Variants in SH2D3C observed in about 807,000 individuals in gnomAD.
SH2D3C encodes the protein SH2 domain-containing protein 3C.
SH2D3C carries 25 observed loss-of-function variants against 75.2 expected under a neutral mutation model. That is an observed-to-expected ratio of 0.33 (90% CI 0.24 to 0.46). SH2D3C has a LOEUF of 0.46. Among genes scored for constraint, SH2D3C ranks in the 20% least tolerant of loss-of-function variants. SH2D3C has a pLI of 1.00. For missense variants in SH2D3C, 933 were observed against 1,165.3 expected, an observed-to-expected ratio of 0.80 and a Z score of 2.90; for synonymous variants, 450 against 473.7, an observed-to-expected ratio of 0.95 and a Z score of 0.65.
At chr9:127,753,284 C>T (rs538697701) in intron 3 of SH2D3C, among the ~76,000 whole-genome samples, 30 of 150,822 alleles carry the variant, frequency 2.0e-4, no homozygotes, top group African/African-American at 6.3e-4. Context: ...GTTTAGATGG[C>T]CATTGATTCA....
rs1423183258 is a variant in SH2D3C, at chr9:127,738,649, G to A, written c.*97C>T. 5.4e-6 allele frequency: 7 copies of A among 1,298,528 alleles called. No individual in the cohort carries two copies. Among genetic ancestry groups the A allele is most frequent in the South Asian group, 1.5e-5 (1 of 65,060 alleles). 80.4% of individuals were successfully genotyped at this position (1,298,528 alleles called of 1,614,324 possible). On this transcript the variant is annotated 3_prime_UTR_variant, in exon 12 of 12. Transcript: ENST00000314830. This position sits in a 1 kb window ranked among gnomAD's most constrained non-coding sequence, Gnocchi z 5.0. ...CTTGAGTTGAACCCAGAACATTCTC[G>A]GGTTGATCACAGTGTCCTTGGGGTG...
rs1255316489 is a variant in SH2D3C at position 127,767,186 on chromosome 9, TGAG to T, written c.516-5539_516-5537del. 10 of 1,533,610 alleles carry T rather than the reference TGAG, an allele frequency of 6.5e-6. No individual in the cohort carries two copies. In the South Asian group the frequency reaches 1.2e-4, roughly 18 times the overall value. ...GAGCTCAGGACGGGCGACAGCCTTG[TGAG>T]GAGAAGGCAGAGCAGGGGCCATTCT... is the stretch of plus-strand genomic sequence containing the variant. On this transcript the variant is annotated intron_variant, in intron 2 of 11. Coordinates refer to ENST00000314830, the MANE Select transcript of SH2D3C (RefSeq NM_170600.3).
At position 127,770,083 on chromosome 9, in the gene SH2D3C, T is replaced by C. The variant is rs753142803; in HGVS notation, c.515+3907A>G. On this transcript the variant is annotated intron_variant, in intron 2 of 11. Transcript: ENST00000314830. Reference sequence around the variant, plus strand: ...ATGGATTGAGGAGGGAGGGTGCCTCTCTGGGACCTGCAGAAGACTGAAGGT... The same window carrying C: ...ATGGATTGAGGAGGGAGGGTGCCTCCCTGGGACCTGCAGAAGACTGAAGGT... Among the ~76,000 whole-genome samples the C allele has an allele frequency of 3.9e-5, 6 of 152,116 alleles. 1 individual carries two copies. The highest frequency in any genetic ancestry group is 8.8e-5 in the Non-Finnish European group (6 of 67,996).
intron 1 of SH2D3C, among the ~76,000 whole-genome samples, chr9:127,775,633 G>GAATA (rs1564427211): frequency 6.8e-6 from 1 of 147,550 alleles, no homozygotes; most frequent in East Asian, 2.0e-4. Context: ...ATCTCAAAAT[G>GAATA]AATAAATAAA....
In SH2D3C at chr9:127,774,418, G is replaced by A; in HGVS notation, c.87C>T (p.Ser29=). The change falls in exon 2 of 12, where the codon TCC becomes TCT. Residue 29 remains serine, a synonymous_variant. Coordinates refer to ENST00000314830, the MANE Select transcript of SH2D3C (RefSeq NM_170600.3). The surrounding 1 kb of genome is among the most constrained non-coding windows in gnomAD (Gnocchi z 4.3). ...GFGSLSNLPR[S]FTLRRSSASI... is the part of the protein sequence containing the mutation. The stretch of plus-strand genomic sequence containing the variant: ...AAGCTGAGGATCGTCTCAGAGTGAA[G>A]GACCGAGGGAGGTTGGAGAGACTCC... 6.2e-7 allele frequency: 1 copy of A among 1,613,032 alleles called. No individual in the cohort carries two copies. Among genetic ancestry groups the A allele is most frequent in the Non-Finnish European group, 8.5e-7 (1 of 1,179,112 alleles).
At chr9:127,768,448 G>A (rs1173132952) in intron 2 of SH2D3C, among the ~76,000 whole-genome samples, 2 of 151,944 alleles carry the variant, frequency 1.3e-5, no homozygotes, top group Non-Finnish European at 2.9e-5. Flanking sequence ...CTCTAGGTGG[G>A]AGGCAAAGGA....
rs947322032 is a variant in SH2D3C, at chr9:127,754,593, G to A, written c.556-3293C>T. On this transcript the variant is annotated intron_variant, in intron 3 of 11. Transcript: ENST00000314830. The surrounding 1 kb of genome is among the most constrained non-coding windows in gnomAD (Gnocchi z 4.4). ...CAGGCATGTCCAAGCCCACCTAGAG[G>A]GCGGGAGGGTGGCGGGCGCTCTGGC... Among the ~76,000 whole-genome samples, 9 of 152,170 alleles carry A rather than the reference G, an allele frequency of 5.9e-5. No homozygotes were observed. The highest frequency in any genetic ancestry group is 1.4e-4 in the African/African-American group (6 of 41,444).
rs1282393780 is a variant in SH2D3C, at chr9:127,774,953, G to C, written c.38-486C>G. Among the ~76,000 whole-genome samples the C allele has an allele frequency of 6.6e-6, 1 of 152,064 alleles. No individual in the cohort carries two copies. The highest frequency in any genetic ancestry group is 2.4e-5 in the African/African-American group (1 of 41,392). On this transcript the variant is annotated intron_variant, in intron 1 of 11. Coordinates refer to ENST00000314830, the MANE Select transcript of SH2D3C (RefSeq NM_170600.3). This position sits in a 1 kb window ranked among gnomAD's most constrained non-coding sequence, Gnocchi z 4.3. Reference sequence around the variant, plus strand: ...AACAATACAAACATTAGCCGGGTGTGGTGGCGCACCTGTAATCCCAGCTTC... The same window carrying C: ...AACAATACAAACATTAGCCGGGTGTCGTGGCGCACCTGTAATCCCAGCTTC...
Position 127,774,615 on chromosome 9 carries a change from C to G in SH2D3C, c.38-148G>C. 1 of 604,364 alleles carries G rather than the reference C, an allele frequency of 1.7e-6. No individual in the cohort carries two copies. Among genetic ancestry groups the G allele is most frequent in the African/African-American group, 1.8e-5 (1 of 54,088 alleles). The allele number at this position is 604,364 out of a possible 1,614,324, so 37.4% of individuals were successfully genotyped here. A position where few individuals can be genotyped will look rare whatever the true frequency, so the allele number is the denominator to read the frequency against. ...CCCTTCTAAAATTGTTAACACGCCCCTAGAAATGGTATAAGATGGGAGCTT... is the reference window on the plus strand; with the variant it reads ...CCCTTCTAAAATTGTTAACACGCCCGTAGAAATGGTATAAGATGGGAGCTT... On this transcript the variant is annotated intron_variant, in intron 1 of 11. Coordinates refer to ENST00000314830, the MANE Select transcript of SH2D3C (RefSeq NM_170600.3). This position sits in a 1 kb window ranked among gnomAD's most constrained non-coding sequence, Gnocchi z 4.3.
intron 2 of SH2D3C, chr9:127,766,776 G>T (rs1161019269): frequency 7.5e-6 from 5 of 666,900 alleles, no homozygotes; most frequent in African/African-American, 3.6e-5. Flanking sequence ...CACCATGTTG[G>T]CCAGGCTGGT....
At chr9:127,743,270 A>G (rs772632577) in intron 7 of SH2D3C, among the ~76,000 whole-genome samples, 4 of 152,230 alleles carry the variant, frequency 2.6e-5, no homozygotes, top group Non-Finnish European at 5.9e-5. Context: ...TGGGAGGCCA[A>G]GGTGGGCGGA....
At chr9:127,761,986 G>C (rs937466255) in intron 2 of SH2D3C, 2 of 297,860 alleles carry the variant, frequency 6.7e-6, no homozygotes, top group African/African-American at 4.4e-5. Context: ...TTCTTCACTG[G>C]ACTCCAGACA....
At chr9:127,747,302 G>A (rs1203638704) in intron 5 of SH2D3C, 31 bp from the exon 6 acceptor site, 3 of 1,600,256 alleles carry the variant, frequency 1.9e-6, no homozygotes, top group South Asian at 2.2e-5. Flanking sequence ...TGGGCAGGGA[G>A]CCCGGAGGTC....
Position 127,744,553 on chromosome 9 carries a change from C to G in SH2D3C, c.1800+11G>C. 6.3e-7 allele frequency: 1 copy of G among 1,596,458 alleles called. No homozygotes were observed. The highest frequency in any genetic ancestry group is 8.6e-7 in the Non-Finnish European group (1 of 1,168,412). ...ATGCTCCCTCCACCCCAGTGCACAGCCAGCACCTACCAGGCAGTCCACCTT... is the reference window on the plus strand; with the variant it reads ...ATGCTCCCTCCACCCCAGTGCACAGGCAGCACCTACCAGGCAGTCCACCTT... On this transcript the variant is annotated intron_variant, in intron 7 of 11. Coordinates refer to ENST00000314830, the MANE Select transcript of SH2D3C (RefSeq NM_170600.3).
At chr9:127,746,107 A>G (rs1451349524) in intron 6 of SH2D3C, among the ~76,000 whole-genome samples, 5 of 152,356 alleles carry the variant, frequency 3.3e-5, no homozygotes, top group Admixed American at 2.0e-4. Flanking sequence ...CTGCTTTACT[A>G]TACCAGATTG....
chr9:127,746,341 ACAATACGGC>A (rs1845029678), intron 6 of SH2D3C, among the ~76,000 whole-genome samples: 1 of 152,246 alleles, frequency 6.6e-6, no homozygotes, highest in East Asian at 1.9e-4. Flanking sequence ...TGCCACGTGG[ACAATACGGC>A]CTGTTGAAAA....
intron 3 of SH2D3C, among the ~76,000 whole-genome samples, chr9:127,753,984 A>C (rs1845278641): frequency 6.6e-6 from 1 of 152,066 alleles, no homozygotes; most frequent in South Asian, 2.1e-4. Context: ...CCCCTTTTCC[A>C]GCTTAATCAC....
At chr9:127,757,677 G>A (rs1845430285) in intron 3 of SH2D3C, among the ~76,000 whole-genome samples, 1 of 126,778 alleles carries the variant, frequency 7.9e-6, no homozygotes, top group Non-Finnish European at 1.8e-5. Context: ...ATTTTGAGAT[G>A]GAGTCTCGCT....
rs1353116125 is a variant in SH2D3C, at chr9:127,773,429, T to C, written c.515+561A>G. 2.0e-5 allele frequency among the ~76,000 whole-genome samples: 3 copies of C among 152,234 alleles called. No individual in the cohort carries two copies. In the East Asian group the frequency reaches 5.8e-4, roughly 29 times the overall value. On this transcript the variant is annotated intron_variant, in intron 2 of 11. Transcript: ENST00000314830. The stretch of plus-strand genomic sequence containing the variant: ...TGAAGGCAGGGGGTCTCGGTTCACA[T>C]GCTGGCTTTGTCATTAGCAAATATG...
Sources: gnomAD v4.1 joint callset for allele counts (sites outside exome capture counted in the v4.1 genomes callset) on GRCh38, gnomAD v4.1.1 for gene constraint, Gnocchi (gnomAD v3.1) non-coding constraint, MANE v1.5 for transcripts, NCBI Gene and HGNC (gene_info 2026-07-23, HGNC 2026-07-21) for gene names.